DDX60L: variants seen among roughly 807,000 people sequenced by gnomAD.
DDX60L encodes the protein DExD/H-box 60 like, also known as probable ATP-dependent RNA helicase DDX60-like.
Under a neutral mutation model 211.6 loss-of-function variants are expected in DDX60L, and 191 were observed. The ratio of observed to expected loss-of-function variants is 0.90; its 90% CI spans 0.80 to 1.02. DDX60L has a LOEUF of 1.02. Among genes scored for constraint, DDX60L ranks in the 50% least tolerant of loss-of-function variants. DDX60L has a pLI of 0.00. For missense variants in DDX60L, 2,007 were observed against 1,984.1 expected (o/e 1.01, Z -0.22); for synonymous variants, 706 against 694.1 (o/e 1.02, Z -0.27).
intron 26 of DDX60L, among the ~76,000 whole-genome samples, chr4:168,399,842 T>C (rs890259373): frequency 7.2e-5 from 11 of 152,322 alleles, no homozygotes; most frequent in African/African-American, 2.2e-4. Context: ...ATTCATTCTA[T>C]AGGCCATTCT....
At chr4:168,421,692 C>T in intron 17 of DDX60L, 68 bp downstream of exon 17, 1 of 1,568,036 alleles carries the variant, frequency 6.4e-7, no homozygotes, top group Non-Finnish European at 8.7e-7. Context: ...TAGCATGTGA[C>T]CGTGTGCATT....
chr4:168,455,996 G>A (rs1360066318), intron 7 of DDX60L, 43 bp downstream of exon 7: 6 of 1,369,286 alleles, frequency 4.4e-6, no homozygotes, highest in East Asian at 2.6e-5. Flanking sequence ...TACACCTGAT[G>A]AATGACAGCT....
At chr4:168,359,644 C>G (rs1423734010) in intron 37 of DDX60L, among the ~76,000 whole-genome samples, 1 of 152,210 alleles carries the variant, frequency 6.6e-6, no homozygotes, top group Non-Finnish European at 1.5e-5. Flanking sequence ...AATAATATCT[C>G]TAAAACATAG....
rs374318780 is a variant in DDX60L, at chr4:168,421,793, A to G, written c.2361T>C (p.Asp787=). 26 of 1,614,084 alleles carry G rather than the reference A, an allele frequency of 1.6e-5. No homozygotes were observed. The highest frequency in any genetic ancestry group is 2.2e-5 in the East Asian group (1 of 44,902). The change falls in exon 17 of 38, where the codon GAT becomes GAC. Residue 787 remains aspartate, a synonymous_variant. Coordinates refer to ENST00000682922, the MANE Select transcript of DDX60L (RefSeq NM_001012967.3). The part of the protein sequence containing the change: ...YCMEKVLRES[D]VGVVVYVAPA... ...GTGCAACGTACACAACCACCCCGACATCGCTCTCCCTCAGCACTTTCTCCA... is the reference window on the plus strand; with the variant it reads ...GTGCAACGTACACAACCACCCCGACGTCGCTCTCCCTCAGCACTTTCTCCA...
intron 26 of DDX60L, 120 bp from the exon 27 acceptor site, chr4:168,396,244 A>G (rs1205879222): frequency 5.2e-6 from 3 of 579,316 alleles, no homozygotes; most frequent in African/African-American, 1.9e-5. Flanking sequence ...AGCTCCATCA[A>G]TCCTGACTTG....
In DDX60L at chr4:168,375,378, GA is replaced by G; in HGVS notation, c.4631del (p.Ile1544ThrfsTer17). 1 of 1,611,402 alleles carries G rather than the reference GA, an allele frequency of 6.2e-7. No homozygotes were observed. Among genetic ancestry groups the G allele is most frequent in the Non-Finnish European group, 8.5e-7 (1 of 1,178,684 alleles). On this transcript the variant is annotated frameshift_variant and splice_region_variant, in exon 34 of 38. Coordinates refer to ENST00000682922, the MANE Select transcript of DDX60L (RefSeq NM_001012967.3). LOFTEE classifies it high-confidence loss of function. ...KKEHQLPLSR[I>X]KFTGKECEDS... ...GGAATGGAACTAAAATCTGCTTACT[GA>G]TTCTTGACAAAGGGAGTTGATGCTC...
chr4:168,412,290 G>T (rs147207622), intron 22 of DDX60L, among the ~76,000 whole-genome samples: 5 of 152,010 alleles, frequency 3.3e-5, no homozygotes, highest in African/African-American at 9.7e-5. Flanking sequence ...GGCTCTTGGG[G>T]TCCCCAAGTG....
chr4:168,418,097 C>T (rs866062511), intron 19 of DDX60L, among the ~76,000 whole-genome samples: 1 of 152,114 alleles, frequency 6.6e-6, no homozygotes, highest in African/African-American at 2.4e-5. Flanking sequence ...GATGGAGTTT[C>T]GTTATTGTTG....
intron 36 of DDX60L, among the ~76,000 whole-genome samples, chr4:168,370,919 C>A (rs956126514): frequency 6.6e-6 from 1 of 151,914 alleles, no homozygotes; most frequent in African/African-American, 2.4e-5. Flanking sequence ...TCCTTCTTTA[C>A]TGCTTTGTAA....
chr4:168,442,625 C>A (rs1579677024), intron 9 of DDX60L, among the ~76,000 whole-genome samples: 3 of 152,152 alleles, frequency 2.0e-5, no homozygotes. Context: ...TTAAATGTCC[C>A]TGTCTGACAG....
intron 37 of DDX60L, among the ~76,000 whole-genome samples, chr4:168,360,549 T>C (rs1038076150): frequency 6.6e-6 from 1 of 152,204 alleles, no homozygotes; most frequent in Non-Finnish European, 1.5e-5. Flanking sequence ...AAAAACCACA[T>C]ACACTTGATA....
intron 22 of DDX60L, among the ~76,000 whole-genome samples, chr4:168,410,637 T>A (rs942659240): frequency 6.6e-6 from 1 of 152,216 alleles, no homozygotes; most frequent in Non-Finnish European, 1.5e-5. Context: ...CTTGAACCTA[T>A]ATAATTTAAT....
At position 168,415,664 on chromosome 4, in the gene DDX60L, A is replaced by G; in HGVS notation, c.2862T>C (p.Val954=). 1.3e-6 allele frequency: 2 copies of G among 1,584,760 alleles called. No individual in the cohort carries two copies. The highest frequency in any genetic ancestry group is 1.7e-5 in the Admixed American group (1 of 57,340). ...TAAAAAAAATAAGCTTACCAAGTCT[A>G]ACTTCATATGATTGATTTTTATATG... is the stretch of plus-strand genomic sequence containing the variant. The part of the protein sequence containing the change: ...DHSYKNQSYE[V]RLVLCGERYN... Residue 954 remains valine, a synonymous_variant, in exon 21 of 38, where the codon GTT becomes GTC. Transcript: ENST00000682922.
Position 168,427,191 on chromosome 4 carries a change from A to G in DDX60L, c.1809T>C (p.Ser603=). The G allele has an allele frequency of 1.2e-6, 2 of 1,613,086 alleles. No individual in the cohort carries two copies. Among genetic ancestry groups the G allele is most frequent in the Non-Finnish European group, 1.7e-6 (2 of 1,179,346 alleles). ...IEEEMKNNLH[S]GIRKLEDYLT... ...AATAATCTTCCAATTTCCTTATTCCAGAATGTAAATTGTTCTTCATCTCCT... is the reference window on the plus strand; with the variant it reads ...AATAATCTTCCAATTTCCTTATTCCGGAATGTAAATTGTTCTTCATCTCCT... The change falls in exon 14 of 38, where the codon TCT becomes TCC. Residue 603 remains serine (S), a synonymous_variant. Transcript: ENST00000682922.
intron 10 of DDX60L, among the ~76,000 whole-genome samples, chr4:168,436,319 G>C (rs1022356257): frequency 6.6e-6 from 1 of 152,212 alleles, no homozygotes; most frequent in Non-Finnish European, 1.5e-5. Flanking sequence ...TGCATGCAAT[G>C]CTTCTGCCAG....
intron 35 of DDX60L, 93 bp downstream of exon 35, chr4:168,373,573 T>C (rs1741401140): frequency 4.0e-6 from 5 of 1,264,594 alleles, no homozygotes; most frequent in African/African-American, 1.5e-5. Flanking sequence ...TTTTCAGTGT[T>C]TTGGGTTTGA....
At chr4:168,389,178 C>T (rs559210065) in intron 29 of DDX60L, among the ~76,000 whole-genome samples, 14 of 152,218 alleles carry the variant, frequency 9.2e-5, no homozygotes, top group Non-Finnish European at 1.6e-4. Flanking sequence ...CAAGTATTCT[C>T]TTTATTTTAC....
intron 36 of DDX60L, 184 bp from the exon 37 acceptor site, chr4:168,361,395 T>A (rs1230683153): frequency 6.3e-6 from 3 of 478,612 alleles, no homozygotes; most frequent in Admixed American, 7.4e-5. Context: ...ACAAAAAAAA[T>A]TATTAAAGAG....
At position 168,457,984 on chromosome 4, in the gene DDX60L, A is replaced by G. The variant is rs200826115; in HGVS notation, c.631T>C (p.Tyr211His). The G allele has an allele frequency of 3.3e-4, 516 of 1,560,268 alleles. No individual in the cohort carries two copies. The highest frequency in any genetic ancestry group is 4.2e-4 in the Non-Finnish European group (488 of 1,149,208). ...TCCAAGTGTTGTATGAGGCTTTTAT[A>G]TGCACTCTGAATCACTGTTTCATTC... ...KENETVIQSA[Y>H]KSLIQHLEEI... is the part of the protein sequence containing the mutation. Residue 211 changes from tyrosine to histidine, a missense_variant, in exon 6 of 38, where the codon TAT (tyrosine) becomes CAT (histidine). Transcript: ENST00000682922.
Sources: allele counts gnomAD v4.1 joint callset (sites outside exome capture counted in the v4.1 genomes callset), GRCh38; gene constraint gnomAD v4.1.1; transcripts MANE v1.5; gene names NCBI Gene and HGNC (gene_info 2026-07-23, HGNC 2026-07-21).